Variants in WDR72 observed in about 807,000 individuals in gnomAD.
WDR72 encodes WD repeat domain 72, also known as WD repeat-containing protein 72.
A neutral mutation model predicts 124.2 loss-of-function variants in WDR72; 120 were observed. The ratio of observed to expected loss-of-function variants is 0.97; its 90% CI spans 0.83 to 1.12. The LOEUF (loss-of-function observed/expected upper bound fraction) is 1.12. Among genes scored for constraint, WDR72 ranks in the 50% most tolerant of loss-of-function variants. The probability of loss-of-function intolerance (pLI) is 0.00; values close to 1 mark genes in which losing one functional copy is unlikely to be tolerated. For synonymous variants in WDR72, 452 were observed against 441.7 expected (o/e 1.02, Z -0.29); for missense variants, 1,387 against 1,278.8 (o/e 1.08, Z -1.29).
rs1345706058 is a variant in WDR72 at position 53,515,885 on chromosome 15, C to A, written c.*1814G>T. On this transcript the variant is annotated 3_prime_UTR_variant, in exon 20 of 20. Transcript: ENST00000360509. ...CTTATTTTTCATAAACATATCATAA[C>A]CTGAGCGTCCAAATAGATTTTAACA... The A allele has an allele frequency of 1.3e-5, 2 of 152,060 alleles. No individual in the cohort carries two copies. Among genetic ancestry groups the A allele is most frequent in the Non-Finnish European group, 2.9e-5 (2 of 67,970 alleles). 9.4% of individuals were successfully genotyped at this position (152,060 alleles called of 1,614,324 possible).
intron 18 of WDR72, among the ~76,000 whole-genome samples, chr15:53,555,190 T>C (rs766307799): frequency 2.7e-5 from 4 of 147,032 alleles, no homozygotes; most frequent in Non-Finnish European, 6.0e-5. Flanking sequence ...CTCCACTTTC[T>C]ACAATGTGAA....
At chr15:53,681,231 C>G (rs938630931) in intron 13 of WDR72, among the ~76,000 whole-genome samples, 14 of 152,242 alleles carry the variant, frequency 9.2e-5, no homozygotes, top group African/African-American at 3.1e-4. Context: ...CCAATTGTTT[C>G]TGTGGCAGCT....
intron 18 of WDR72, among the ~76,000 whole-genome samples, chr15:53,554,730 G>A (rs895156880): frequency 1.3e-5 from 2 of 152,080 alleles, no homozygotes; most frequent in East Asian, 3.9e-4. Flanking sequence ...AGGGAGTGAG[G>A]AAAAATGACA....
At chr15:53,585,801 G>T (rs2012180603) in intron 18 of WDR72, among the ~76,000 whole-genome samples, 1 of 151,934 alleles carries the variant, frequency 6.6e-6, no homozygotes, top group Admixed American at 6.6e-5. Context: ...CTCCAACGCT[G>T]GGTCAGATAT....
chr15:53,757,039 G>C (rs2018927583), intron 1 of WDR72, among the ~76,000 whole-genome samples: 1 of 152,128 alleles, frequency 6.6e-6, no homozygotes, highest in African/African-American at 2.4e-5. Context: ...TGTCTTTTCA[G>C]ACCAAAGATA....
At chr15:53,540,980 T>C (rs995433975) in intron 18 of WDR72, 10 of 157,370 alleles carry the variant, frequency 6.4e-5, no homozygotes, top group Non-Finnish European at 1.2e-4. Context: ...CGCACCTGGC[T>C]CGGAGGGTCC....
chr15:53,676,672 T>C (rs1045319791), intron 13 of WDR72, among the ~76,000 whole-genome samples: 4 of 152,210 alleles, frequency 2.6e-5, no homozygotes, highest in Non-Finnish European at 5.9e-5. Flanking sequence ...GAGAGCCCAG[T>C]TGGCTGACAT....
chr15:53,615,612 C>T lies in WDR72; in HGVS notation c.2594G>A (p.Arg865Lys), dbSNP rs1218183169. Residue 865 changes from arginine (R) to lysine (K), a missense_variant, in exon 15 of 20, where the codon AGG becomes AAG. Arg to Lys is a conservative substitution (Grantham distance 26). Transcript: ENST00000360509. Reference protein sequence around the residue: ...KDYSGVNLFSRKVLDLSDKYT... With the variant: ...KDYSGVNLFSKKVLDLSDKYT... ...TTTATCTGACAAGTCCAAAACTTTCCTGGAAAATAAATTTACTCCTGAATA... is the reference window on the plus strand; with the variant it reads ...TTTATCTGACAAGTCCAAAACTTTCTTGGAAAATAAATTTACTCCTGAATA... 1 of 1,612,608 alleles carries T rather than the reference C, an allele frequency of 6.2e-7. No individual in the cohort carries two copies. The highest frequency in any genetic ancestry group is 2.2e-5 in the East Asian group (1 of 44,804).
chr15:53,583,558 C>T (rs1201007104), intron 18 of WDR72, among the ~76,000 whole-genome samples: 2 of 151,768 alleles, frequency 1.3e-5, no homozygotes, highest in African/African-American at 4.8e-5. Flanking sequence ...ATTTTTACCA[C>T]AGGGAAAAAA....
At chr15:53,667,287 A>G (rs755990495) in intron 13 of WDR72, among the ~76,000 whole-genome samples, 1 of 152,152 alleles carries the variant, frequency 6.6e-6, no homozygotes, top group Non-Finnish European at 1.5e-5. Context: ...CCAGAAGGTC[A>G]AGGCTACAGT....
At chr15:53,701,559 T>TCTCTCTCTCTCTCTCTCACACA (rs369568228) in intron 12 of WDR72, among the ~76,000 whole-genome samples, 48 of 120,148 alleles carry the variant, frequency 4.0e-4, no homozygotes, top group East Asian at 2.9e-3. Context: ...TCTCTCTCTC[T>TCTCTCTCTCTCTCTCTCACACA]CACACACACA....
At position 53,517,707 on chromosome 15, in the gene WDR72, C is replaced by A. The variant is rs748454326; in HGVS notation, c.3301G>T (p.Val1101Leu). 6.2e-7 allele frequency: 1 copy of A among 1,612,900 alleles called. No individual in the cohort carries two copies. The highest frequency in any genetic ancestry group is 1.1e-5 in the South Asian group (1 of 91,056). Reference protein sequence around the residue: ...SWIAKVCPCKVS With the variant: ...SWIAKVCPCKLS ...TACTGATGAGATTCCATTTAAGACACCTTGCAGGGGCAGACCTTTGCTATC... is the reference window on the plus strand; with the variant it reads ...TACTGATGAGATTCCATTTAAGACAACTTGCAGGGGCAGACCTTTGCTATC... The change falls in exon 20 of 20, where the codon GTG becomes TTG. Residue 1101 changes from valine (V) to leucine (L), a missense_variant. Coordinates refer to ENST00000360509, the MANE Select transcript of WDR72 (RefSeq NM_182758.4).
At chr15:53,562,877 G>A (rs1894172431) in intron 18 of WDR72, among the ~76,000 whole-genome samples, 1 of 151,738 alleles carries the variant, frequency 6.6e-6, no homozygotes, top group Non-Finnish European at 1.5e-5. Flanking sequence ...GAAAATAAAT[G>A]AGCAATGATG....
At chr15:53,570,262 A>ATTTTTT (rs34458553) in intron 18 of WDR72, among the ~76,000 whole-genome samples, 1 of 146,492 alleles carries the variant, frequency 6.8e-6, no homozygotes, top group African/African-American at 2.5e-5. Flanking sequence ...CTCATATACC[A>ATTTTTT]TTTTTTTTTT....
At chr15:53,522,132 G>A (rs1017775797) in intron 19 of WDR72, among the ~76,000 whole-genome samples, 2 of 152,126 alleles carry the variant, frequency 1.3e-5, no homozygotes, top group East Asian at 3.9e-4. Context: ...TCGCCACTGC[G>A]CCTATTGGGG....
rs370549170 is a variant in WDR72, at chr15:53,716,735, C to G, written c.261-50G>C. 1.3e-3 allele frequency: 1,897 copies of G among 1,414,630 alleles called. 3 individuals carry two copies. Among genetic ancestry groups the G allele is most frequent in the Non-Finnish European group, 1.8e-3 (1,792 of 998,130 alleles). The allele number at this position is 1,414,630 out of a possible 1,614,324, so 87.6% of individuals were successfully genotyped here. On this transcript the variant is annotated intron_variant, in intron 3 of 19. Coordinates refer to ENST00000360509, the MANE Select transcript of WDR72 (RefSeq NM_182758.4). Reference sequence around the variant, plus strand: ...TTCTCTGTCATTTCCACTCAATTGGCTGGAATAATTTTTGTGCCACCAAGT... The same window carrying G: ...TTCTCTGTCATTTCCACTCAATTGGGTGGAATAATTTTTGTGCCACCAAGT...
intron 18 of WDR72, among the ~76,000 whole-genome samples, chr15:53,570,649 T>A (rs1224648794): frequency 6.6e-6 from 1 of 152,122 alleles, no homozygotes; most frequent in Non-Finnish European, 1.5e-5. Context: ...TGCAAATTAG[T>A]TCACTCCTGT....
chr15:53,655,843 C>T (rs189586459), intron 14 of WDR72, among the ~76,000 whole-genome samples: 28 of 152,244 alleles, frequency 1.8e-4, no homozygotes, highest in Non-Finnish European at 2.9e-5. Context: ...CAGGCATATG[C>T]CACCACGCCT....
At position 53,693,431 on chromosome 15, in the gene WDR72, A is replaced by G. The variant is rs529309232; in HGVS notation, c.1765+6319T>C. Among the ~76,000 whole-genome samples, 106 of 152,348 alleles carry G rather than the reference A, an allele frequency of 7.0e-4. 4 individuals are homozygous for G. The South Asian group carries it at 0.021, about 31-fold the overall frequency. On this transcript the variant is annotated intron_variant, in intron 13 of 19. Coordinates refer to ENST00000360509, the MANE Select transcript of WDR72 (RefSeq NM_182758.4). ...TTCTACATACCCCTCACTGTAAACT[A>G]TTAAAGCAAACTCAAATCTATACGA...
Sources: allele counts gnomAD v4.1 joint callset (sites outside exome capture counted in the v4.1 genomes callset), GRCh38; gene constraint gnomAD v4.1.1; transcripts MANE v1.5; gene names NCBI Gene and HGNC (gene_info 2026-07-23, HGNC 2026-07-21).